UBE2E2: variants seen among roughly 807,000 people sequenced by gnomAD.
UBE2E2 encodes the protein ubiquitin-conjugating enzyme E2 E2.
UBE2E2 carries 6 observed loss-of-function variants against 24.7 expected under a neutral mutation model. That is an observed-to-expected ratio of 0.24 (90% confidence interval 0.13 to 0.48). The LOEUF is 0.48. Ranked by LOEUF, UBE2E2 falls within the 20% of genes least tolerant of loss-of-function variation. UBE2E2 has a pLI of 0.99. For missense variants in UBE2E2, 169 were observed against 245.0 expected, an observed-to-expected ratio of 0.69 and a Z score of 2.07; for synonymous variants, 104 against 83.6, an observed-to-expected ratio of 1.24 and a Z score of -1.33.
chr3:23,306,862 T>A (rs1158570948), intron 3 of UBE2E2, among the ~76,000 whole-genome samples: 6 of 152,204 alleles, frequency 3.9e-5, no homozygotes, highest in Admixed American at 3.9e-4. Context: ...ACAGACCTGT[T>A]ACTCATTTTT....
intron 3 of UBE2E2, among the ~76,000 whole-genome samples, chr3:23,258,900 G>GCAAAAAAAA (rs1697816015): frequency 1.3e-5 from 1 of 78,906 alleles, no homozygotes; most frequent in Non-Finnish European, 2.4e-5. Context: ...CTCAAAAAAA[G>GCAAAAAAAA]AAAAAAAAAA....
Position 23,576,199 on chromosome 3 carries a change from G to A in UBE2E2, c.509-13535G>A, listed in dbSNP as rs553556281. ...AAAAGATTTAAATAAAACTAGGCTAGACCAAACCATGGAATAAAAGTATTA... is the reference window on the plus strand; with the variant it reads ...AAAAGATTTAAATAAAACTAGGCTAAACCAAACCATGGAATAAAAGTATTA... On this transcript the variant is annotated intron_variant, in intron 5 of 5. Coordinates refer to ENST00000396703, the MANE Select transcript of UBE2E2 (RefSeq NM_152653.4). Among the ~76,000 whole-genome samples the A allele has an allele frequency of 5.3e-4, 80 of 152,150 alleles. 2 individuals carry two copies. The South Asian group carries it at 0.016, about 30-fold the overall frequency.
chr3:23,359,373 A>G (rs75375787), intron 3 of UBE2E2, among the ~76,000 whole-genome samples: 6,804 of 152,274 alleles, frequency 0.045, 529 homozygotes, highest in African/African-American at 0.15. Flanking sequence ...GGACTGGAGA[A>G]ATCACCTAGA....
At chr3:23,221,885 T>A (rs1456897112) in intron 3 of UBE2E2, among the ~76,000 whole-genome samples, 1 of 152,220 alleles carries the variant, frequency 6.6e-6, no homozygotes, top group East Asian at 1.9e-4. Context: ...ATTTCTTTTT[T>A]AAAAATATTT....
At position 23,562,765 on chromosome 3, in the gene UBE2E2, A is replaced by C. The variant is rs749526945; in HGVS notation, c.509-26969A>C. ...TTTCAGAGCCTGTTATTGGTCTATT[A>C]AAAGATTCAGCTTCTTCCTGGTTTA... is the stretch of plus-strand genomic sequence containing the variant. On this transcript the variant is annotated intron_variant, in intron 5 of 5. Transcript: ENST00000396703. Among the ~76,000 whole-genome samples the C allele has an allele frequency of 1.4e-4, 21 of 152,194 alleles. No individual in the cohort carries two copies. In the South Asian group the frequency reaches 4.0e-3, roughly 29 times the overall value.
chr3:23,563,468 C>T (rs1695985934), intron 5 of UBE2E2, among the ~76,000 whole-genome samples: 1 of 152,088 alleles, frequency 6.6e-6, no homozygotes, highest in Non-Finnish European at 1.5e-5. Flanking sequence ...TTTACATTTG[C>T]TGAGGAGTGT....
intron 3 of UBE2E2, among the ~76,000 whole-genome samples, chr3:23,386,092 T>C (rs1004346267): frequency 6.6e-6 from 1 of 152,234 alleles, no homozygotes; most frequent in African/African-American, 2.4e-5. Context: ...CACTATTTCA[T>C]ATAAGTAGTT....
At chr3:23,557,695 C>A (rs1695824893) in intron 5 of UBE2E2, among the ~76,000 whole-genome samples, 1 of 152,090 alleles carries the variant, frequency 6.6e-6, no homozygotes, top group African/African-American at 2.4e-5. Flanking sequence ...TATTGGAGAC[C>A]CTGCTGTAGT....
chr3:23,562,617 T>C (rs1351635805), intron 5 of UBE2E2, among the ~76,000 whole-genome samples: 1 of 152,218 alleles, frequency 6.6e-6, no homozygotes, highest in Non-Finnish European at 1.5e-5. Context: ...TCTTTTTCTA[T>C]TGATTGGAAT....
intron 3 of UBE2E2, among the ~76,000 whole-genome samples, chr3:23,270,272 G>A (rs904028079): frequency 6.6e-6 from 1 of 150,648 alleles, no homozygotes; most frequent in African/African-American, 2.4e-5. Context: ...CTTATTTCCT[G>A]ATGCTACTCC....
At chr3:23,405,014 G>C (rs1384982030) in intron 3 of UBE2E2, among the ~76,000 whole-genome samples, 1 of 152,174 alleles carries the variant, frequency 6.6e-6, no homozygotes. Flanking sequence ...GTGTTTTTCT[G>C]ATACTGAAAT....
chr3:23,418,794 A>C (rs540308551), intron 3 of UBE2E2, among the ~76,000 whole-genome samples: 1 of 152,344 alleles, frequency 6.6e-6, no homozygotes, highest in Admixed American at 6.5e-5. Flanking sequence ...TGATGATTAC[A>C]GCAGTAATGA....
chr3:23,360,235 A>G (rs1696074846), intron 3 of UBE2E2, among the ~76,000 whole-genome samples: 1 of 152,228 alleles, frequency 6.6e-6, no homozygotes, highest in African/African-American at 2.4e-5. Flanking sequence ...CAGCATGTTT[A>G]TGCTGTACAG....
At chr3:23,394,393 C>T (rs1697026417) in intron 3 of UBE2E2, among the ~76,000 whole-genome samples, 1 of 152,112 alleles carries the variant, frequency 6.6e-6, no homozygotes. Flanking sequence ...AGCATGTTCA[C>T]CATGAGTATG....
At chr3:23,248,632 C>T (rs1697485942) in intron 3 of UBE2E2, among the ~76,000 whole-genome samples, 2 of 152,288 alleles carry the variant, frequency 1.3e-5, no homozygotes, top group African/African-American at 4.8e-5. Context: ...AGAGAACATA[C>T]TTGAGAAATA....
intron 3 of UBE2E2, among the ~76,000 whole-genome samples, chr3:23,372,551 T>C (rs917813519): frequency 2.6e-5 from 4 of 152,208 alleles, no homozygotes; most frequent in Admixed American, 2.0e-4. Flanking sequence ...TTAACTTCCT[T>C]ACATGGATTC....
chr3:23,330,708 T>A (rs555356152), intron 3 of UBE2E2, among the ~76,000 whole-genome samples: 2 of 152,330 alleles, frequency 1.3e-5, no homozygotes, highest in South Asian at 4.1e-4. Flanking sequence ...AATTTAGGAT[T>A]CTAAAATGCT....
intron 3 of UBE2E2, among the ~76,000 whole-genome samples, chr3:23,419,319 G>A (rs952055476): frequency 6.6e-6 from 1 of 152,096 alleles, no homozygotes; most frequent in African/African-American, 2.4e-5. Context: ...AAGCTTTGCT[G>A]TCTCTGGCTA....
At chr3:23,429,655 C>G (rs190380121) in intron 3 of UBE2E2, among the ~76,000 whole-genome samples, 2 of 152,194 alleles carry the variant, frequency 1.3e-5, no homozygotes, top group Non-Finnish European at 2.9e-5. Flanking sequence ...CAGCATTGTA[C>G]TAGAAGTCCT....
Sources: allele counts gnomAD v4.1 joint callset (sites outside exome capture counted in the v4.1 genomes callset), GRCh38; gene constraint gnomAD v4.1.1; transcripts MANE v1.5; gene names NCBI Gene and HGNC (gene_info 2026-07-23, HGNC 2026-07-21).